Variants in ST3GAL3 observed in about 807,000 individuals in gnomAD.
ST3GAL3 encodes the protein CMP-N-acetylneuraminate-beta-1,4-galactoside alpha-2,3-sialyltransferase.
ST3GAL3 carries 21 observed loss-of-function variants against 50.1 expected under a neutral mutation model. The ratio of observed to expected loss-of-function variants is 0.42; its 90% CI spans 0.30 to 0.60. The LOEUF (loss-of-function observed/expected upper bound fraction) is 0.60. ST3GAL3 is among the 20% of genes least tolerant of loss of function. ST3GAL3 has a pLI of 0.19. For missense variants in ST3GAL3, 353 were observed against 489.4 expected (o/e 0.72, Z 2.63); for synonymous variants, 183 against 190.0 (o/e 0.96, Z 0.30).
chr1:43,806,070 G>C (rs1318709488), intron 3 of ST3GAL3, among the ~76,000 whole-genome samples: 2 of 152,140 alleles, frequency 1.3e-5, no homozygotes, highest in Non-Finnish European at 2.9e-5. Context: ...TCGAACTAGG[G>C]TCTAAAGAAT....
intron 9 of ST3GAL3, among the ~76,000 whole-genome samples, chr1:43,916,344 G>C (rs1254163545): frequency 6.6e-6 from 1 of 152,150 alleles, no homozygotes; most frequent in Non-Finnish European, 1.5e-5. Context: ...TTGGGATCAA[G>C]GGATGGATCT....
At chr1:43,843,845 T>C (rs985691866) in intron 5 of ST3GAL3, among the ~76,000 whole-genome samples, 26 of 152,344 alleles carry the variant, frequency 1.7e-4, no homozygotes, top group African/African-American at 6.3e-4. Flanking sequence ...AATTCAATTC[T>C]GGCATTATCC....
At chr1:43,891,001 G>A (rs2076611717) in intron 5 of ST3GAL3, among the ~76,000 whole-genome samples, 1 of 152,126 alleles carries the variant, frequency 6.6e-6, no homozygotes, top group Admixed American at 6.5e-5. Flanking sequence ...TAGTTTTGAC[G>A]AGCCTGGAAA....
chr1:43,842,037 A>G (rs1198334073), intron 5 of ST3GAL3: 18 of 152,198 alleles, frequency 1.2e-4, no homozygotes, highest in African/African-American at 1.9e-4. Flanking sequence ...AAAGGGCACA[A>G]TGCAACCAAG....
intron 2 of ST3GAL3, among the ~76,000 whole-genome samples, chr1:43,784,320 C>T (rs1365013302): frequency 3.3e-5 from 5 of 152,066 alleles, no homozygotes; most frequent in African/African-American, 9.7e-5. Flanking sequence ...ACCAGCCTGG[C>T]CAACATGGTG....
intron 3 of ST3GAL3, chr1:43,799,699 C>G (rs1184723888): frequency 6.6e-6 from 1 of 152,158 alleles, no homozygotes; most frequent in African/African-American, 2.4e-5. Flanking sequence ...ACCCAACATT[C>G]AGACCATTTC....
intron 5 of ST3GAL3, among the ~76,000 whole-genome samples, chr1:43,892,637 A>G (rs963967864): frequency 2.4e-4 from 37 of 152,210 alleles, no homozygotes; most frequent in Non-Finnish European, 3.8e-4. Context: ...AATCATCTGA[A>G]TAAAAAGAAA....
chr1:43,814,419 T>C (rs1317015305), intron 3 of ST3GAL3, among the ~76,000 whole-genome samples: 3 of 152,240 alleles, frequency 2.0e-5, no homozygotes, highest in Non-Finnish European at 4.4e-5. Flanking sequence ...TAATCTGATC[T>C]ACTGGTTCTT....
intron 5 of ST3GAL3, chr1:43,838,586 C>G (rs775714366): frequency 2.5e-6 from 1 of 407,886 alleles, no homozygotes; most frequent in African/African-American, 2.1e-5. Context: ...GCCAGGTATC[C>G]AGAGGCAGCC....
intron 3 of ST3GAL3, 90 bp from the exon 4 acceptor site, chr1:43,814,801 T>C: frequency 8.3e-7 from 1 of 1,207,386 alleles, no homozygotes; most frequent in Middle Eastern, 1.9e-4. Context: ...CCAAGGGTGG[T>C]CTGTCCCTGT....
chr1:43,824,827 T>C (rs759461606), intron 4 of ST3GAL3: 7 of 1,235,462 alleles, frequency 5.7e-6, no homozygotes, highest in Admixed American at 5.1e-5. Flanking sequence ...CATCCCACCC[T>C]CTAGAGATTT....
At chr1:43,857,484 CTT>C (rs2068648708) in intron 5 of ST3GAL3, among the ~76,000 whole-genome samples, 1 of 148,568 alleles carries the variant, frequency 6.7e-6, no homozygotes, top group Non-Finnish European at 1.5e-5. Flanking sequence ...TCCTTCCTTC[CTT>C]CCTTCCTTCC....
At chr1:43,734,300 T>C (rs1407522221) in intron 1 of ST3GAL3, among the ~76,000 whole-genome samples, 144 of 117,864 alleles carry the variant, frequency 1.2e-3, no homozygotes, top group African/African-American at 4.5e-3. Context: ...TCTTCTTCTT[T>C]TTTTTTTGTT....
chr1:43,899,043 A>T lies in ST3GAL3; in HGVS notation c.462-125A>T. 7.3e-7 allele frequency: 1 copy of T among 1,368,864 alleles called. No homozygotes were observed. The highest frequency in any genetic ancestry group is 1.0e-6 in the Non-Finnish European group (1 of 989,380). The allele number at this position is 1,368,864 out of a possible 1,614,324, so 84.8% of individuals were successfully genotyped here. A position where few individuals can be genotyped will look rare whatever the true frequency, so the allele number is the denominator to read the frequency against. ...CTCTCAGAAATGCTGCCAGAAGCCC[A>T]TTGGTCTTCTTCCTCTATCCCAGCC... On this transcript the variant is annotated intron_variant, in intron 7 of 11. Coordinates refer to ENST00000347631, the MANE Select transcript of ST3GAL3 (RefSeq NM_006279.5). The surrounding 1 kb of genome is among the most constrained non-coding windows in gnomAD (Gnocchi z 5.4).
chr1:43,806,027 C>T (rs2154168269), intron 3 of ST3GAL3, among the ~76,000 whole-genome samples: 1 of 152,274 alleles, frequency 6.6e-6, no homozygotes, highest in South Asian at 2.1e-4. Flanking sequence ...AACCACCGTG[C>T]CCGGCAAGGA....
intron 1 of ST3GAL3, among the ~76,000 whole-genome samples, chr1:43,710,406 A>C (rs751594921): frequency 1.5e-4 from 23 of 152,060 alleles, no homozygotes; most frequent in South Asian, 2.1e-4. Flanking sequence ...TTTCACTCCT[A>C]CTGTCATCAC....
At chr1:43,773,291 T>TAAAGACCAGAAGGATACTAACTCATGC (rs1178425669) in intron 2 of ST3GAL3, among the ~76,000 whole-genome samples, 5 of 152,320 alleles carry the variant, frequency 3.3e-5, no homozygotes, top group Non-Finnish European at 7.4e-5. Context: ...TTTTGTTTTC[T>TAAAGACCAGAAGGATACTAACTCATGC]AAAGACCAGA....
intron 2 of ST3GAL3, among the ~76,000 whole-genome samples, chr1:43,769,886 G>T (rs966645451): frequency 2.0e-5 from 3 of 151,930 alleles, no homozygotes; most frequent in African/African-American, 7.3e-5. Flanking sequence ...CATATAACAG[G>T]TCTTTGAAGT....
intron 2 of ST3GAL3, among the ~76,000 whole-genome samples, chr1:43,752,551 A>G (rs973638707): frequency 6.6e-6 from 1 of 152,160 alleles, no homozygotes; most frequent in Non-Finnish European, 1.5e-5. Context: ...CCCAGGCTGG[A>G]GTGCAGTGGC....
Sources: allele counts gnomAD v4.1 joint callset (sites outside exome capture counted in the v4.1 genomes callset), GRCh38; gene constraint gnomAD v4.1.1; non-coding constraint Gnocchi (gnomAD v3.1); transcripts MANE v1.5; gene names NCBI Gene and HGNC (gene_info 2026-07-23, HGNC 2026-07-21).